MACROD1: variants seen among roughly 807,000 people sequenced by gnomAD.
MACROD1 encodes ADP-ribose glycohydrolase MACROD1.
A neutral mutation model predicts 41.4 loss-of-function variants in MACROD1; 31 were observed. The observed-to-expected ratio is 0.75, with a 90% CI of 0.56 to 1.01. MACROD1 has a LOEUF of 1.01. MACROD1 is among the 50% of genes least tolerant of loss of function. The probability of loss-of-function intolerance (pLI) is 0.00; values close to 1 mark genes in which losing one functional copy is unlikely to be tolerated. For missense variants in MACROD1, 473 were observed against 460.0 expected, an observed-to-expected ratio of 1.03 and a Z score of -0.26; for synonymous variants, 252 against 203.4, an observed-to-expected ratio of 1.24 and a Z score of -2.03.
intron 3 of MACROD1, among the ~76,000 whole-genome samples, chr11:64,061,287 G>T (rs1414344041): frequency 2.0e-5 from 3 of 152,176 alleles, no homozygotes. Context: ...TGGATGCTCC[G>T]CGCGCCGACT....
At chr11:64,029,001 G>A (rs1259188980) in intron 3 of MACROD1, among the ~76,000 whole-genome samples, 6 of 152,208 alleles carry the variant, frequency 3.9e-5, no homozygotes, top group Non-Finnish European at 5.9e-5. Context: ...CAGGACTCTG[G>A]GAGAGGGACC....
At chr11:64,099,910 G>GGGAT (rs1419676206) in intron 3 of MACROD1, among the ~76,000 whole-genome samples, 1 of 151,564 alleles carries the variant, frequency 6.6e-6, no homozygotes, top group African/African-American at 2.4e-5. Flanking sequence ...GAAGGATGGA[G>GGGAT]GGATGGATGG....
At chr11:63,999,074 C>T (rs967802699) in intron 8 of MACROD1, 38 bp from the exon 9 acceptor site, 3 of 1,552,058 alleles carry the variant, frequency 1.9e-6, no homozygotes, top group African/African-American at 2.7e-5. Flanking sequence ...CGAGCTGCCA[C>T]GCCTGGCCCC....
chr11:63,998,688 C>A lies in MACROD1; in HGVS notation c.*31-1G>T, dbSNP rs1054096010. 9 of 1,352,484 alleles carry A rather than the reference C, an allele frequency of 6.7e-6. No individual in the cohort carries two copies. The highest frequency in any genetic ancestry group is 8.5e-6 in the Non-Finnish European group (9 of 1,055,912). 83.8% of individuals were successfully genotyped at this position (1,352,484 alleles called of 1,614,324 possible). A position where few individuals can be genotyped will look rare whatever the true frequency, so the allele number is the denominator to read the frequency against. ...TGGGAGCGGGGTCCCGAAGGCGGGTCTGAGGGCAGAGCAGAGTCAGAGGTG... is the reference window on the plus strand; with the variant it reads ...TGGGAGCGGGGTCCCGAAGGCGGGTATGAGGGCAGAGCAGAGTCAGAGGTG... On this transcript the variant is annotated splice_acceptor_variant, in intron 10 of 10. Coordinates refer to ENST00000255681, the MANE Select transcript of MACROD1 (RefSeq NM_014067.4). LOFTEE classifies it low-confidence loss of function (3UTR_SPLICE).
intron 3 of MACROD1, among the ~76,000 whole-genome samples, chr11:64,034,655 G>A (rs1943340995): frequency 6.6e-6 from 1 of 152,106 alleles, no homozygotes; most frequent in African/African-American, 2.4e-5. Flanking sequence ...AGTCTCTGTA[G>A]GGGGGACCCT....
chr11:64,137,099 G>C (rs993705422), intron 3 of MACROD1, among the ~76,000 whole-genome samples: 1 of 152,214 alleles, frequency 6.6e-6, no homozygotes, highest in Non-Finnish European at 1.5e-5. Context: ...TTTAAACTCC[G>C]ATATTAAGGA....
intron 3 of MACROD1, among the ~76,000 whole-genome samples, chr11:64,030,086 G>T (rs1943274117): frequency 6.6e-6 from 1 of 152,034 alleles, no homozygotes; most frequent in African/African-American, 2.4e-5. Flanking sequence ...CCTTTGCCCA[G>T]GCCTGCGTTC....
At chr11:64,010,468 T>C (rs1254281155) in intron 4 of MACROD1, among the ~76,000 whole-genome samples, 1 of 149,162 alleles carries the variant, frequency 6.7e-6, no homozygotes, top group Non-Finnish European at 1.5e-5. Flanking sequence ...CTGGCTGGCA[T>C]GTTGGTTGGG....
At chr11:64,072,511 C>T (rs1185789775) in intron 3 of MACROD1, among the ~76,000 whole-genome samples, 1 of 152,128 alleles carries the variant, frequency 6.6e-6, no homozygotes, top group Non-Finnish European at 1.5e-5. Context: ...GATGATAAAC[C>T]AGGCACCCGT....
At chr11:64,084,754 G>C (rs1944365031) in intron 3 of MACROD1, among the ~76,000 whole-genome samples, 1 of 152,176 alleles carries the variant, frequency 6.6e-6, no homozygotes, top group South Asian at 2.1e-4. Context: ...TCGTGCCTTG[G>C]TGACCCCAGC....
intron 3 of MACROD1, among the ~76,000 whole-genome samples, chr11:64,050,070 C>T (rs1470996116): frequency 6.6e-6 from 1 of 152,180 alleles, no homozygotes; most frequent in Non-Finnish European, 1.5e-5. Flanking sequence ...GCCTACTCTT[C>T]CCTCGAGATC....
At chr11:64,144,417 G>A (rs1945462175) in intron 3 of MACROD1, among the ~76,000 whole-genome samples, 1 of 152,210 alleles carries the variant, frequency 6.6e-6, no homozygotes, top group Non-Finnish European at 1.5e-5. Flanking sequence ...TATCATCTAT[G>A]TATGTTGCAT....
chr11:64,028,835 C>G lies in MACROD1; in HGVS notation c.518-13554G>C, dbSNP rs1288482268. 2.6e-4 allele frequency among the ~76,000 whole-genome samples: 40 copies of G among 152,184 alleles called. 1 individual carries two copies. Among genetic ancestry groups the G allele is most frequent in the Admixed American group, 2.5e-3 (38 of 15,288 alleles). ...TACATCCAGCCCCAGCTCTGGAGTA[C>G]AGCTCTGCCTCCCAGGACTCAGGGA... On this transcript the variant is annotated intron_variant, in intron 3 of 10. Transcript: ENST00000255681.
chr11:64,074,674 C>T (rs1944170051), intron 3 of MACROD1, among the ~76,000 whole-genome samples: 1 of 152,214 alleles, frequency 6.6e-6, no homozygotes, highest in Non-Finnish European at 1.5e-5. Flanking sequence ...GTGGGACCCC[C>T]TTTATCCCAG....
chr11:64,144,072 G>A (rs1945456021), intron 3 of MACROD1, among the ~76,000 whole-genome samples: 1 of 150,592 alleles, frequency 6.6e-6, no homozygotes, highest in Non-Finnish European at 1.5e-5. Context: ...CAGCCCAAGT[G>A]ATCTGACCAA....
At position 64,147,455 on chromosome 11, in the gene MACROD1, A is replaced by C. The variant is rs1476558438; in HGVS notation, c.517+3784T>G. Among the ~76,000 whole-genome samples, 8 of 147,534 alleles carry C rather than the reference A, an allele frequency of 5.4e-5. No homozygotes were observed. In the East Asian group the frequency reaches 1.2e-3, roughly 22 times the overall value. On this transcript the variant is annotated intron_variant, in intron 3 of 10. Transcript: ENST00000255681. ...GCCCAGGCTGGAAGGCAGTAACACA[A>C]TCATGGCTCACTGCAGCCTTGACCT... is the stretch of plus-strand genomic sequence containing the variant.
At chr11:64,085,486 C>T (rs976197695) in intron 3 of MACROD1, among the ~76,000 whole-genome samples, 3 of 152,218 alleles carry the variant, frequency 2.0e-5, no homozygotes, top group South Asian at 2.1e-4. Flanking sequence ...CTGGGGCGGC[C>T]GGCTTAGCTG....
intron 4 of MACROD1, among the ~76,000 whole-genome samples, chr11:64,014,699 C>A (rs899576189): frequency 1.3e-5 from 2 of 152,206 alleles, no homozygotes; most frequent in Non-Finnish European, 2.9e-5. Flanking sequence ...GTGACCTGGC[C>A]TGTATCCCTT....
chr11:64,056,559 A>G (rs952565104), intron 3 of MACROD1, among the ~76,000 whole-genome samples: 4 of 152,302 alleles, frequency 2.6e-5, no homozygotes, highest in Non-Finnish European at 4.4e-5. Context: ...CCTGGCCCAA[A>G]CCTCATGCCC....
Sources: gnomAD v4.1 joint callset for allele counts (sites outside exome capture counted in the v4.1 genomes callset) on GRCh38, gnomAD v4.1.1 for gene constraint, MANE v1.5 for transcripts, NCBI Gene and HGNC (gene_info 2026-07-23, HGNC 2026-07-21) for gene names.